Variants in ASNS observed in about 807,000 individuals in gnomAD.
ASNS encodes the protein asparagine synthetase (glutamine-hydrolyzing), also known as asparagine synthetase [glutamine-hydrolyzing].
In ASNS, 37 loss-of-function variants were observed where a neutral mutation model predicts 62.6. The ratio of observed to expected loss-of-function variants is 0.59; its 90% CI spans 0.45 to 0.78. ASNS has a LOEUF of 0.78. Among genes scored for constraint, ASNS ranks in the 30% least tolerant of loss-of-function variants. The pLI, the probability that ASNS is intolerant of heterozygous loss-of-function variation, is 0.00. For missense variants in ASNS, 520 were observed against 682.4 expected (o/e 0.76, Z 2.65); for synonymous variants, 207 against 237.9 (o/e 0.87, Z 1.19).
At chr7:97,858,241 T>C in intron 7 of ASNS, 37 bp downstream of exon 7, 1 of 1,608,114 alleles carries the variant, frequency 6.2e-7, no homozygotes, top group Non-Finnish European at 8.5e-7. Flanking sequence ...AAGTCTACTC[T>C]AACTACACTA....
At chr7:97,889,840 A>G in the ASNS span, among the ~76,000 whole-genome samples, 1 of 151,366 alleles carries the variant, frequency 6.6e-6, no homozygotes, top group Non-Finnish European at 1.5e-5. Context: ...TCCAATGAAA[A>G]GAAAATCTAT....
Position 97,869,078 on chromosome 7 carries a change from T to C in ASNS, c.79A>G (p.Arg27Gly), listed in dbSNP as rs1792122889. The change falls in exon 3 of 13, where the codon AGA becomes GGA. Residue 27 changes from arginine to glycine, a missense_variant. Arg to Gly is a moderately radical substitution (Grantham distance 125). Transcript: ENST00000394308. Reference sequence around the variant, plus strand: ...TCAAAACGGAATGCATCTGGACCTCTGTGTGCAATCTTCATAGCACTCAGA... The same window carrying C: ...TCAAAACGGAATGCATCTGGACCTCCGTGTGCAATCTTCATAGCACTCAGA... ...QCLSAMKIAH[R>G]GPDAFRFENV... 6.2e-7 allele frequency: 1 copy of C among 1,614,136 alleles called. No homozygotes were observed. Among genetic ancestry groups the C allele is most frequent in the Non-Finnish European group, 8.5e-7 (1 of 1,180,060 alleles).
At chr7:97,918,359 A>T in the ASNS span, among the ~76,000 whole-genome samples, 1 of 152,190 alleles carries the variant, frequency 6.6e-6, no homozygotes, top group Non-Finnish European at 1.5e-5. Context: ...GCAGGCACAG[A>T]GCACCAAGTG....
At chr7:97,857,159 T>C (rs959872161) in intron 7 of ASNS, among the ~76,000 whole-genome samples, 3 of 152,196 alleles carry the variant, frequency 2.0e-5, no homozygotes, top group Admixed American at 6.5e-5. Flanking sequence ...TGGTCTTTTT[T>C]GGTCCTTCTT....
chr7:97,925,392 G>C, the ASNS span, among the ~76,000 whole-genome samples: 2 of 152,100 alleles, frequency 1.3e-5, no homozygotes, highest in African/African-American at 4.8e-5. Context: ...CTCTCAACTG[G>C]GGTGGTTTTG....
At chr7:97,873,265 C>G (rs950189763), upstream of ASNS, among the ~76,000 whole-genome samples, 18 of 152,162 alleles carry the variant, frequency 1.2e-4, 1 homozygote, top group South Asian at 4.1e-4. Flanking sequence ...TATCATAACA[C>G]TCTTAAATCG....
intron 5 of ASNS, 60 bp downstream of exon 5, chr7:97,859,153 C>A (rs1423446424): frequency 3.9e-6 from 6 of 1,541,246 alleles, no homozygotes; most frequent in African/African-American, 1.4e-5. Flanking sequence ...TGGGAGAATA[C>A]AACTTAAAAT....
At chr7:97,915,863 C>A in the ASNS span, among the ~76,000 whole-genome samples, 2 of 150,630 alleles carry the variant, frequency 1.3e-5, no homozygotes, top group East Asian at 2.0e-4. Flanking sequence ...AAATCGAGAC[C>A]CTCTCTGTAA....
At chr7:97,895,956 A>T in the ASNS span, among the ~76,000 whole-genome samples, 241 of 151,750 alleles carry the variant, frequency 1.6e-3, 2 homozygotes, top group African/African-American at 5.6e-3. Flanking sequence ...ACAAAAATAA[A>T]ATACCTAGGA....
chr7:97,856,809 T>G lies in ASNS; in HGVS notation c.911A>C (p.Asp304Ala). Residue 304 changes from aspartate to alanine, a missense_variant, in exon 8 of 13, where the codon GAT (aspartate) becomes GCT (alanine). Transcript: ENST00000394308. The part of the protein sequence containing the change: ...PDLLAARKVA[D>A]HIGSEHYEVL... ...TTCATAATGTTCACTTCCAATATGA[T>G]CTGCCACCTTATTATATAAAGAAAT... 6.2e-7 allele frequency: 1 copy of G among 1,602,166 alleles called. No homozygotes were observed. Among genetic ancestry groups the G allele is most frequent in the Non-Finnish European group, 8.5e-7 (1 of 1,175,062 alleles).
At chr7:97,918,203 C>T in the ASNS span, among the ~76,000 whole-genome samples, 2 of 152,160 alleles carry the variant, frequency 1.3e-5, no homozygotes, top group African/African-American at 4.8e-5. Context: ...GTGCCATCAT[C>T]TGCAGAAGAT....
intron 1 of ASNS, chr7:97,870,288 C>T: frequency 1.7e-6 from 1 of 574,326 alleles, no homozygotes; most frequent in Non-Finnish European, 3.1e-6. Context: ...AATGGATACA[C>T]CAAAAACAAG....
chr7:97,876,233 A>G (rs1361166768), upstream of ASNS, among the ~76,000 whole-genome samples: 2 of 152,232 alleles, frequency 1.3e-5, no homozygotes, highest in Non-Finnish European at 2.9e-5. Context: ...GGTGAAAAGC[A>G]GAGCTTGGCT....
chr7:97,905,511 C>T, the ASNS span, among the ~76,000 whole-genome samples: 1 of 152,168 alleles, frequency 6.6e-6, no homozygotes, highest in Admixed American at 6.5e-5. Context: ...AATTCCAAAC[C>T]ATATTTGCTA....
chr7:97,899,163 G>T, the ASNS span: 1 of 285,692 alleles, frequency 3.5e-6, no homozygotes, highest in Non-Finnish European at 6.6e-6. Context: ...TATATTTTTG[G>T]TAGAGACGGG....
In ASNS at chr7:97,851,980, C is replaced by T. The variant is rs952256769; in HGVS notation, c.*279G>A. 4.9e-6 allele frequency: 2 copies of T among 409,312 alleles called. No homozygotes were observed. The highest frequency in any genetic ancestry group is 2.0e-5 in the African/African-American group (1 of 49,544). The allele number at this position is 409,312 out of a possible 1,614,324, so 25.4% of individuals were successfully genotyped here. ...AAGATGCAAATGTCATCTAAAGCAG[C>T]TCTGCCAGGAGAGGGCTGTGAGTTC... On this transcript the variant is annotated 3_prime_UTR_variant, in exon 13 of 13. Coordinates refer to ENST00000394308, the MANE Select transcript of ASNS (RefSeq NM_001673.5).
chr7:97,898,731 C>T, the ASNS span: 6 of 649,730 alleles, frequency 9.2e-6, no homozygotes, highest in East Asian at 7.9e-5. Flanking sequence ...AAGTAACCAT[C>T]GGTAGTCTTG....
At chr7:97,925,954 A>T in the ASNS span, among the ~76,000 whole-genome samples, 5 of 152,106 alleles carry the variant, frequency 3.3e-5, 1 homozygote, top group Non-Finnish European at 7.4e-5. Flanking sequence ...GGGGAGGGCC[A>T]GGTTTTCTAG....
At chr7:97,917,481 C>T in the ASNS span, among the ~76,000 whole-genome samples, 1 of 152,226 alleles carries the variant, frequency 6.6e-6, no homozygotes, top group Admixed American at 6.5e-5. Flanking sequence ...CAGGTCTAAG[C>T]TGGGCTTGGA....
Sources: gnomAD v4.1 joint callset for allele counts (sites outside exome capture counted in the v4.1 genomes callset) on GRCh38, gnomAD v4.1.1 for gene constraint, MANE v1.5 for transcripts, NCBI Gene and HGNC (gene_info 2026-07-23, HGNC 2026-07-21) for gene names.